The following KCNN2 variants were observed in gnomAD, a reference collection of about 807,000 sequenced individuals.
The protein encoded by KCNN2 is small conductance calcium-activated potassium channel protein 2.
Under a neutral mutation model 55.5 loss-of-function variants are expected in KCNN2, and 24 were observed. That is an observed-to-expected ratio of 0.43 (90% CI 0.31 to 0.61). The LOEUF is 0.61. KCNN2 is among the 20% of genes least tolerant of loss of function. KCNN2 has a pLI of 0.08. For synonymous variants in KCNN2, 431 were observed against 336.1 expected, an observed-to-expected ratio of 1.28 and a Z score of -3.09; for missense variants, 754 against 853.6, an observed-to-expected ratio of 0.88 and a Z score of 1.45.
intron 3 of KCNN2, among the ~76,000 whole-genome samples, chr5:114,428,020 A>T (rs1759680235): frequency 6.6e-6 from 1 of 152,210 alleles, no homozygotes; most frequent in Non-Finnish European, 1.5e-5. Context: ...AAAGGAGAAA[A>T]GCTGTAATAC....
upstream of KCNN2, among the ~76,000 whole-genome samples, chr5:114,360,768 G>C (rs1433989431): frequency 6.6e-6 from 1 of 152,182 alleles, no homozygotes; most frequent in Non-Finnish European, 1.5e-5. Context: ...CACTGTCCGT[G>C]GGCAGCGACT....
At position 114,368,842 on chromosome 5, in the gene KCNN2, A is replaced by T. The variant is rs903176010; in HGVS notation, c.1218+4841A>T. ...ATTCTGTATTATATCTTGGAGGTTT[A>T]TCCTCAGCAGCAGTAGGGACCTATT... On this transcript the variant is annotated intron_variant, in intron 2 of 7. Coordinates refer to ENST00000673685, the MANE Select transcript of KCNN2 (RefSeq NM_021614.4). Among the ~76,000 whole-genome samples, 4 of 145,426 alleles carry T rather than the reference A, an allele frequency of 2.8e-5. No homozygotes were observed. The South Asian group carries it at 9.3e-4, about 34-fold the overall frequency.
At chr5:114,260,213 T>A (rs1755074408) in intron 2 of KCNN2, among the ~76,000 whole-genome samples, 1 of 152,202 alleles carries the variant, frequency 6.6e-6, no homozygotes, top group Non-Finnish European at 1.5e-5. Flanking sequence ...GCTGGAGTGA[T>A]CTTTCTGAAA....
chr5:114,429,377 T>C (rs990797639), intron 3 of KCNN2, among the ~76,000 whole-genome samples: 1 of 152,166 alleles, frequency 6.6e-6, no homozygotes, highest in Non-Finnish European at 1.5e-5. Flanking sequence ...CATTGTTGTT[T>C]GGATTTCTGT....
chr5:114,452,897 T>G (rs796663219), intron 3 of KCNN2, among the ~76,000 whole-genome samples: 1 of 152,230 alleles, frequency 6.6e-6, no homozygotes, highest in Non-Finnish European at 1.5e-5. Flanking sequence ...TGCTTATATG[T>G]TCTAATTAAT....
At chr5:114,224,883 A>T (rs1315610468) in intron 2 of KCNN2, among the ~76,000 whole-genome samples, 3 of 152,030 alleles carry the variant, frequency 2.0e-5, no homozygotes, top group Non-Finnish European at 4.4e-5. Flanking sequence ...CCATTTTTTG[A>T]TGGGGTTGTT....
intron 1 of KCNN2, among the ~76,000 whole-genome samples, chr5:114,075,942 C>G (rs1388389526): frequency 6.6e-6 from 1 of 152,160 alleles, no homozygotes; most frequent in Non-Finnish European, 1.5e-5. Flanking sequence ...GTGAGACCAA[C>G]AAAGAAACAC....
chr5:114,073,543 G>T (rs1289325903), intron 1 of KCNN2, among the ~76,000 whole-genome samples: 1 of 152,062 alleles, frequency 6.6e-6, no homozygotes, highest in Non-Finnish European at 1.5e-5. Flanking sequence ...AGTTCTTCAG[G>T]CCTGAATGAT....
At chr5:114,269,611 G>A (rs1755281928) in intron 2 of KCNN2, among the ~76,000 whole-genome samples, 4 of 151,634 alleles carry the variant, frequency 2.6e-5, no homozygotes, top group Admixed American at 2.6e-4. Flanking sequence ...CCAACTAGTT[G>A]CAGATTATTT....
At chr5:114,213,098 A>G (rs963662063) in intron 1 of KCNN2, among the ~76,000 whole-genome samples, 10 of 151,918 alleles carry the variant, frequency 6.6e-5, no homozygotes, top group Non-Finnish European at 5.9e-5. Flanking sequence ...AAATTGATCA[A>G]AGTTTTGGTC....
intron 2 of KCNN2, among the ~76,000 whole-genome samples, chr5:114,282,249 T>C (rs1324681840): frequency 8.5e-5 from 13 of 152,112 alleles, no homozygotes; most frequent in Admixed American, 7.9e-4. Flanking sequence ...TTCCTTTGTA[T>C]GGGGAATTCA....
At chr5:114,451,232 T>A (rs959070978) in intron 3 of KCNN2, among the ~76,000 whole-genome samples, 1 of 152,200 alleles carries the variant, frequency 6.6e-6, no homozygotes, top group African/African-American at 2.4e-5. Flanking sequence ...GTTTGAAAAT[T>A]TGTGGATGTT....
chr5:114,196,695 A>G (rs1400597731), intron 1 of KCNN2, among the ~76,000 whole-genome samples: 2 of 151,976 alleles, frequency 1.3e-5, no homozygotes, highest in Non-Finnish European at 2.9e-5. Context: ...GGTTGTTAGC[A>G]ATATTCTGAT....
At chr5:114,106,749 T>A (rs1303705051) in intron 1 of KCNN2, among the ~76,000 whole-genome samples, 2 of 151,842 alleles carry the variant, frequency 1.3e-5, no homozygotes, top group Non-Finnish European at 2.9e-5. Context: ...CTTTTTCTTA[T>A]TAATTTGCAT....
chr5:114,373,615 C>A (rs1757829679), intron 2 of KCNN2, among the ~76,000 whole-genome samples: 1 of 85,894 alleles, frequency 1.2e-5, no homozygotes, highest in Non-Finnish European at 2.5e-5. Flanking sequence ...TAGAGTACCT[C>A]TCTCATGGTG....
intron 3 of KCNN2, among the ~76,000 whole-genome samples, chr5:114,461,330 T>A (rs1761178631): frequency 6.6e-6 from 1 of 152,190 alleles, no homozygotes; most frequent in South Asian, 2.1e-4. Flanking sequence ...GAGAGGGGAC[T>A]TTACAGCTAG....
At chr5:114,233,216 G>T (rs1278866881) in intron 2 of KCNN2, among the ~76,000 whole-genome samples, 1 of 151,976 alleles carries the variant, frequency 6.6e-6, no homozygotes, top group Non-Finnish European at 1.5e-5. Flanking sequence ...CACCGCGCCC[G>T]GCCTATTGTT....
At chr5:114,484,088 A>G (rs1762347543) in intron 5 of KCNN2, among the ~76,000 whole-genome samples, 1 of 152,120 alleles carries the variant, frequency 6.6e-6, no homozygotes, top group Non-Finnish European at 1.5e-5. Flanking sequence ...TCATGAGAAG[A>G]AGTTTTTATG....
chr5:114,215,446 A>G (rs1367448329), intron 1 of KCNN2, among the ~76,000 whole-genome samples: 1 of 152,164 alleles, frequency 6.6e-6, no homozygotes, highest in Non-Finnish European at 1.5e-5. Flanking sequence ...ACTTGGTGAC[A>G]CAGAACCCTT....
Sources: gnomAD v4.1 joint callset for allele counts (sites outside exome capture counted in the v4.1 genomes callset) on GRCh38, gnomAD v4.1.1 for gene constraint, MANE v1.5 for transcripts, NCBI Gene and HGNC (gene_info 2026-07-23, HGNC 2026-07-21) for gene names.